The following NTSR1 variants were observed in gnomAD, a reference collection of about 807,000 sequenced individuals.
The protein encoded by NTSR1 is neurotensin receptor type 1.
Under a neutral mutation model 31.2 loss-of-function variants are expected in NTSR1, and 29 were observed. That is an observed-to-expected ratio of 0.93 (90% CI 0.69 to 1.27). The LOEUF is 1.27. Ranked by LOEUF, NTSR1 falls within the 50% of genes most tolerant of loss-of-function variation. The probability of loss-of-function intolerance (pLI) is 0.00; values close to 1 mark genes in which losing one functional copy is unlikely to be tolerated. For missense variants in NTSR1, 697 were observed against 595.4 expected, an observed-to-expected ratio of 1.17 and a Z score of -1.78; for synonymous variants, 282 against 269.9, an observed-to-expected ratio of 1.04 and a Z score of -0.44.
At chr20:62,755,006 C>T (rs986822086) in intron 2 of NTSR1, 120 bp downstream of exon 2, 28 of 998,012 alleles carry the variant, frequency 2.8e-5, no homozygotes, top group Non-Finnish European at 4.0e-5. Flanking sequence ...GCTGTCAGGC[C>T]AAGACCCAAG....
rs774735789 is a variant in NTSR1 at position 62,754,804 on chromosome 20, G to C, written c.834G>C (p.Thr278=). 1.6e-5 allele frequency: 26 copies of C among 1,610,778 alleles called. No individual in the cohort carries two copies. In the African/African-American group the frequency reaches 3.3e-4, roughly 21 times the overall value. The part of the protein sequence containing the change: ...RQAAEQGQVC[T]VGGEHSTFSM... Reference sequence around the variant, plus strand: ...CGGCCGAGCAGGGCCAAGTGTGCACGGTCGGGGGCGAGCACAGCACATTCA... The same window carrying C: ...CGGCCGAGCAGGGCCAAGTGTGCACCGTCGGGGGCGAGCACAGCACATTCA... The change falls in exon 2 of 4, where the codon ACG becomes ACC. Residue 278 remains threonine (T), a synonymous_variant. Transcript: ENST00000370501.
At chr20:62,710,952 G>A (rs1322773388) in intron 1 of NTSR1, among the ~76,000 whole-genome samples, 1 of 152,176 alleles carries the variant, frequency 6.6e-6, no homozygotes, top group Non-Finnish European at 1.5e-5. Context: ...GGCCAGGGTG[G>A]CTGGCTGTCC....
In NTSR1 at chr20:62,729,626, A is replaced by ATT. The variant is rs36003279; in HGVS notation, c.714+19726_714+19727dup. On this transcript the variant is annotated intron_variant, in intron 1 of 3. Transcript: ENST00000370501. ...TAGAACTTGGGGCTAGGGGTTTCTA[A>ATT]TTTTTTTTTTTTTTTTTTTTTTGAG... Among the ~76,000 whole-genome samples, 723 of 122,764 alleles carry ATT rather than the reference A, an allele frequency of 5.9e-3. 8 individuals carry two copies. The highest frequency in any genetic ancestry group is 0.021 in the African/African-American group (677 of 31,958). The allele number at this position is 122,764 out of a possible 152,430, so 80.5% of individuals were successfully genotyped here.
chr20:62,728,338 C>T (rs1366490643), intron 1 of NTSR1, among the ~76,000 whole-genome samples: 2 of 152,194 alleles, frequency 1.3e-5, no homozygotes, highest in African/African-American at 4.8e-5. Context: ...CCTGTTTCCC[C>T]ATCCCTGCGG....
rs1459082145 is a variant in NTSR1, at chr20:62,741,713, A to G, written c.715-12972A>G. Among the ~76,000 whole-genome samples, 2 of 149,788 alleles carry G rather than the reference A, an allele frequency of 1.3e-5. 1 individual carries two copies. Among genetic ancestry groups the G allele is most frequent in the African/African-American group, 5.0e-5 (2 of 40,198 alleles). On this transcript the variant is annotated intron_variant, in intron 1 of 3. Transcript: ENST00000370501. The surrounding 1 kb of genome is among the most constrained non-coding windows in gnomAD (Gnocchi z 4.3). ...TGGACAGAGGCTGTGGGGCAGGCTC[A>G]GTCCCTGAGAGGTCGCCAAGGAGCC...
At chr20:62,759,567 G>T (rs1440288784) in intron 3 of NTSR1, among the ~76,000 whole-genome samples, 1 of 152,002 alleles carries the variant, frequency 6.6e-6, no homozygotes, top group Non-Finnish European at 1.5e-5. Flanking sequence ...GAGGTCAGGA[G>T]ATCGAGACCA....
chr20:62,751,881 G>T (rs1372529224), intron 1 of NTSR1, among the ~76,000 whole-genome samples: 1 of 152,180 alleles, frequency 6.6e-6, no homozygotes, highest in Non-Finnish European at 1.5e-5. Context: ...CGATGATCTG[G>T]ATGCTGTCTC....
At chr20:62,754,231 A>G (rs1817590273) in intron 1 of NTSR1, among the ~76,000 whole-genome samples, 1 of 152,208 alleles carries the variant, frequency 6.6e-6, no homozygotes, top group African/African-American at 2.4e-5. Context: ...AACTGTCTGC[A>G]CACAGCTACA....
intron 1 of NTSR1, among the ~76,000 whole-genome samples, chr20:62,721,105 A>G (rs975329369): frequency 1.3e-5 from 2 of 152,206 alleles, no homozygotes; most frequent in African/African-American, 4.8e-5. Flanking sequence ...CTGTGCTATC[A>G]TTGCTGGGTA....
At position 62,737,662 on chromosome 20, in the gene NTSR1, C is replaced by T. The variant is rs76546728; in HGVS notation, c.715-17023C>T. Among the ~76,000 whole-genome samples, 733 of 152,220 alleles carry T rather than the reference C, an allele frequency of 4.8e-3. 6 individuals are homozygous for T. The highest frequency in any genetic ancestry group is 0.017 in the African/African-American group (697 of 41,532). ...ATCCTCCTTCCTTCCCACCTGCTCT[C>T]GTCCCCACATCTGCCCATCGCCAGG... On this transcript the variant is annotated intron_variant, in intron 1 of 3. Coordinates refer to ENST00000370501, the MANE Select transcript of NTSR1 (RefSeq NM_002531.3).
In NTSR1 at chr20:62,743,942, C is replaced by T. The variant is rs939021456; in HGVS notation, c.715-10743C>T. 2.6e-5 allele frequency among the ~76,000 whole-genome samples: 4 copies of T among 152,196 alleles called. No homozygotes were observed. The highest frequency in any genetic ancestry group is 5.9e-5 in the Non-Finnish European group (4 of 68,034). On this transcript the variant is annotated intron_variant, in intron 1 of 3. Transcript: ENST00000370501. This position sits in a 1 kb window ranked among gnomAD's most constrained non-coding sequence, Gnocchi z 7.5. ...CGTGTGCACCCCTCCCGCTCCCCAC[C>T]TGGTCTCCACGGCCAAGCTCAGACC...
At chr20:62,751,092 G>A (rs1470601489) in intron 1 of NTSR1, among the ~76,000 whole-genome samples, 2 of 152,050 alleles carry the variant, frequency 1.3e-5, no homozygotes, top group African/African-American at 4.8e-5. Flanking sequence ...GCCCAGACTG[G>A]TCTCAAACTC....
intron 2 of NTSR1, among the ~76,000 whole-genome samples, chr20:62,755,809 G>T (rs113527417): frequency 0.023 from 49 of 2,168 alleles, no homozygotes; most frequent in Middle Eastern, 0.17. Context: ...CCTCCCTTCA[G>T]CCATCCTCCC....
At position 62,709,114 on chromosome 20, in the gene NTSR1, C is replaced by G; in HGVS notation, c.-94C>G. 9.4e-7 allele frequency: 1 copy of G among 1,065,278 alleles called. No individual in the cohort carries two copies. The highest frequency in any genetic ancestry group is 1.2e-6 in the Non-Finnish European group (1 of 800,704). The allele number at this position is 1,065,278 out of a possible 1,614,324, so 66.0% of individuals were successfully genotyped here. A position where few individuals can be genotyped will look rare whatever the true frequency, so the allele number is the denominator to read the frequency against. ...TTCGCCACGCGCCCTCCCCTGGGCT[C>G]CCGTTCATCGGTCCCCGCCTGAGAC... On this transcript the variant is annotated 5_prime_UTR_variant, in exon 1 of 4. Transcript: ENST00000370501.
In NTSR1 at chr20:62,741,018, C is replaced by T. The variant is rs1313713267; in HGVS notation, c.715-13667C>T. Among the ~76,000 whole-genome samples the T allele has an allele frequency of 2.0e-5, 3 of 152,206 alleles. No individual in the cohort carries two copies. The highest frequency in any genetic ancestry group is 1.5e-5 in the Non-Finnish European group (1 of 68,032). ...ACTGGGGTTCTGGGCCCCGGCCAGG[C>T]TCAGCGAGGGGAGGGCCGTTCCCGG... On this transcript the variant is annotated intron_variant, in intron 1 of 3. Coordinates refer to ENST00000370501, the MANE Select transcript of NTSR1 (RefSeq NM_002531.3). This position sits in a 1 kb window ranked among gnomAD's most constrained non-coding sequence, Gnocchi z 4.3.
At chr20:62,751,843 G>T (rs1020299036) in intron 1 of NTSR1, among the ~76,000 whole-genome samples, 1 of 152,192 alleles carries the variant, frequency 6.6e-6, no homozygotes, top group Non-Finnish European at 1.5e-5. Context: ...GCTGTCCAGC[G>T]CCATGCCTGG....
Position 62,708,845 on chromosome 20 carries a change from C to T in NTSR1, c.-363C>T, listed in dbSNP as rs1988524885. 1.3e-5 allele frequency: 3 copies of T among 231,616 alleles called. No individual in the cohort carries two copies. Among genetic ancestry groups the T allele is most frequent in the African/African-American group, 4.5e-5 (2 of 44,128 alleles). The allele number at this position is 231,616 out of a possible 1,614,324, so 14.3% of individuals were successfully genotyped here. On this transcript the variant is annotated 5_prime_UTR_variant, in exon 1 of 4. Coordinates refer to ENST00000370501, the MANE Select transcript of NTSR1 (RefSeq NM_002531.3). The surrounding 1 kb of genome is among the most constrained non-coding windows in gnomAD (Gnocchi z 5.9). ...CGCTCCTCCCGGCGCCACAAGCTCGCCCCGCGCAGCCCGAGCCGGGCTGGG... is the reference window on the plus strand; with the variant it reads ...CGCTCCTCCCGGCGCCACAAGCTCGTCCCGCGCAGCCCGAGCCGGGCTGGG...
chr20:62,753,259 C>T (rs1336427040), intron 1 of NTSR1, among the ~76,000 whole-genome samples: 2 of 152,192 alleles, frequency 1.3e-5, no homozygotes, highest in East Asian at 1.9e-4. Flanking sequence ...GAAAACCTGC[C>T]GACATTCCCA....
intron 1 of NTSR1, among the ~76,000 whole-genome samples, chr20:62,734,635 A>G (rs1989055396): frequency 1.3e-5 from 2 of 152,168 alleles, no homozygotes; most frequent in South Asian, 4.1e-4. Context: ...GCCCTGTCTA[A>G]TGTGGCAGCC....
Sources: gnomAD v4.1 joint callset for allele counts (sites outside exome capture counted in the v4.1 genomes callset) on GRCh38, gnomAD v4.1.1 for gene constraint, Gnocchi (gnomAD v3.1) non-coding constraint, MANE v1.5 for transcripts, NCBI Gene and HGNC (gene_info 2026-07-23, HGNC 2026-07-21) for gene names.